SUSD1: variants seen among roughly 807,000 people sequenced by gnomAD.
The protein encoded by SUSD1 is sushi domain containing 1.
A neutral mutation model predicts 86.9 loss-of-function variants in SUSD1; 65 were observed. The observed-to-expected ratio is 0.75, with a 90% CI of 0.61 to 0.92. The LOEUF (loss-of-function observed/expected upper bound fraction) is 0.92. Ranked by LOEUF, SUSD1 falls within the 40% of genes least tolerant of loss-of-function variation. SUSD1 has a pLI of 0.00. For missense variants in SUSD1, 850 were observed against 929.7 expected (o/e 0.91, Z 1.11); for synonymous variants, 346 against 350.0 (o/e 0.99, Z 0.13).
intron 12 of SUSD1, among the ~76,000 whole-genome samples, chr9:112,065,483 CCA>C (rs1828937878): frequency 6.6e-6 from 1 of 152,182 alleles, no homozygotes; most frequent in African/African-American, 2.4e-5. Flanking sequence ...CGAGATTGTG[CCA>C]CTGCACTCCA....
chr9:112,157,652 CA>C, intron 1 of SUSD1, 39 bp from the exon 2 acceptor site: 1 of 1,527,372 alleles, frequency 6.5e-7, no homozygotes, highest in Non-Finnish European at 9.0e-7. Context: ...AAGAAAAATG[CA>C]AGATGAGACA....
intron 2 of SUSD1, among the ~76,000 whole-genome samples, chr9:112,152,751 C>CTT (rs71382410): frequency 0.02 from 1,727 of 87,402 alleles, 222 homozygotes; most frequent in African/African-American, 0.08. Context: ...TTTTTTTAAT[C>CTT]TTTTTTTTTT....
intron 12 of SUSD1, among the ~76,000 whole-genome samples, chr9:112,071,169 C>A (rs1564266875): frequency 6.6e-6 from 1 of 151,972 alleles, no homozygotes; most frequent in Non-Finnish European, 1.5e-5. Flanking sequence ...ATTTTAAGTG[C>A]AAAAAAGTAG....
chr9:112,069,756 C>T (rs1027437322), intron 12 of SUSD1, among the ~76,000 whole-genome samples: 2 of 124,960 alleles, frequency 1.6e-5, no homozygotes, highest in Non-Finnish European at 3.1e-5. Flanking sequence ...TCTTGGCTAA[C>T]ATTTTAAAAC....
intron 15 of SUSD1, 158 bp from the exon 16 acceptor site, chr9:112,042,118 T>C: frequency 6.5e-7 from 1 of 1,541,306 alleles, no homozygotes; most frequent in African/African-American, 1.4e-5. Flanking sequence ...TCCCCTGAGT[T>C]GGCCCTGTGG....
rs1237327597 is a variant in SUSD1, at chr9:112,128,400, C to G, written c.707-3964G>C. 2.1e-5 allele frequency among the ~76,000 whole-genome samples: 3 copies of G among 145,286 alleles called. No individual in the cohort carries two copies. The East Asian group carries it at 6.1e-4, about 29-fold the overall frequency. Reference sequence around the variant, plus strand: ...TGAGCCACCATGCCCGGCCTACAATCTTTTTTTTTTTGAGATGAAGTCTCA... The same window carrying G: ...TGAGCCACCATGCCCGGCCTACAATGTTTTTTTTTTTGAGATGAAGTCTCA... On this transcript the variant is annotated intron_variant, in intron 5 of 16. Transcript: ENST00000374270.
chr9:112,074,896 G>A (rs756790395), intron 12 of SUSD1, among the ~76,000 whole-genome samples: 1 of 151,390 alleles, frequency 6.6e-6, no homozygotes, highest in Non-Finnish European at 1.5e-5. Context: ...TTGGAAAATA[G>A]GCATCTCAAT....
intron 6 of SUSD1, among the ~76,000 whole-genome samples, chr9:112,121,978 C>T (rs1288928147): frequency 1.3e-5 from 2 of 152,192 alleles, no homozygotes; most frequent in Non-Finnish European, 2.9e-5. Flanking sequence ...CTAACATGTG[C>T]ATGGTGCTTT....
intron 2 of SUSD1, among the ~76,000 whole-genome samples, chr9:112,155,733 A>G (rs1208788736): frequency 1.3e-5 from 2 of 151,904 alleles, no homozygotes; most frequent in Non-Finnish European, 2.9e-5. Context: ...AAGCTGAGGC[A>G]GGAGGATCAC....
intron 10 of SUSD1, among the ~76,000 whole-genome samples, chr9:112,097,324 CA>C (rs912496066): frequency 0.016 from 1,940 of 125,120 alleles, 35 homozygotes; most frequent in African/African-American, 0.051. Context: ...GACTCCATCT[CA>C]AAAAAAAAAA....
At chr9:112,161,570 C>T (rs1833571478) in intron 1 of SUSD1, among the ~76,000 whole-genome samples, 1 of 151,920 alleles carries the variant, frequency 6.6e-6, no homozygotes, top group South Asian at 2.1e-4. Context: ...TGCCTGTAAT[C>T]CCAGCACTTC....
chr9:112,042,637 T>C (rs967955821), intron 15 of SUSD1, among the ~76,000 whole-genome samples: 1 of 152,224 alleles, frequency 6.6e-6, no homozygotes, highest in Non-Finnish European at 1.5e-5. Flanking sequence ...TGTTCTAGAT[T>C]AGAGCAAAAA....
chr9:112,167,611 G>C (rs534662299), intron 1 of SUSD1, among the ~76,000 whole-genome samples: 1 of 152,276 alleles, frequency 6.6e-6, no homozygotes, highest in African/African-American at 2.4e-5. Flanking sequence ...CAAGCGCTTG[G>C]GTTAGTTACG....
At chr9:112,119,041 TA>T (rs1831446690) in intron 6 of SUSD1, among the ~76,000 whole-genome samples, 1 of 152,196 alleles carries the variant, frequency 6.6e-6, no homozygotes, top group South Asian at 2.1e-4. Flanking sequence ...TTTCTGGGCT[TA>T]CAGGCCTCAG....
In SUSD1 at chr9:112,073,242, G is replaced by A. The variant is rs531562560; in HGVS notation, c.1753+5296C>T. Among the ~76,000 whole-genome samples, 4 of 152,280 alleles carry A rather than the reference G, an allele frequency of 2.6e-5. No homozygotes were observed. In the South Asian group the frequency reaches 8.3e-4, roughly 32 times the overall value. The stretch of plus-strand genomic sequence containing the variant: ...CTGAAAAAGTACTTTCCTTTTTCTT[G>A]TTATGAATACAATGAGAGATGGGAA... On this transcript the variant is annotated intron_variant, in intron 12 of 16. Transcript: ENST00000374270.
In SUSD1 at chr9:112,078,612, G is replaced by A; in HGVS notation, c.1679C>T (p.Thr560Ile). The A allele has an allele frequency of 6.2e-7, 1 of 1,614,018 alleles. No individual in the cohort carries two copies. The highest frequency in any genetic ancestry group is 8.5e-7 in the Non-Finnish European group (1 of 1,179,952). ...PEVCLDLRPG[T>I]NYNVSLRALS... ...AGCCCGGAGACTGACATTGTAGTTG[G>A]TACCCGGACGTAGGTCCAAGCACAC... The change falls in exon 12 of 17, where the codon ACC (threonine) becomes ATC (isoleucine). Residue 560 changes from threonine (T) to isoleucine (I), a missense_variant. By Grantham distance (89) the Thr-to-Ile change is moderately conservative (BLOSUM62 -1). Coordinates refer to ENST00000374270, the MANE Select transcript of SUSD1 (RefSeq NM_022486.5).
intron 12 of SUSD1, among the ~76,000 whole-genome samples, chr9:112,069,040 A>G (rs1271961647): frequency 2.0e-5 from 3 of 152,090 alleles, no homozygotes; most frequent in African/African-American, 7.2e-5. Flanking sequence ...ATAGGTCTGG[A>G]GCCTAGGAGC....
chr9:112,042,754 T>G (rs933151004), intron 15 of SUSD1, among the ~76,000 whole-genome samples: 1 of 152,192 alleles, frequency 6.6e-6, no homozygotes, highest in Non-Finnish European at 1.5e-5. Flanking sequence ...AGCCTTCACA[T>G]TGGGTACTAT....
At chr9:112,162,835 G>A (rs903515428) in intron 1 of SUSD1, among the ~76,000 whole-genome samples, 6 of 152,282 alleles carry the variant, frequency 3.9e-5, no homozygotes, top group Admixed American at 6.5e-5. Flanking sequence ...TTGGAGTGCA[G>A]CAATCTGTAA....
Sources: allele counts gnomAD v4.1 joint callset (sites outside exome capture counted in the v4.1 genomes callset), GRCh38; gene constraint gnomAD v4.1.1; transcripts MANE v1.5; gene names NCBI Gene and HGNC (gene_info 2026-07-23, HGNC 2026-07-21).